Variants in PCGF5 observed in about 807,000 individuals in gnomAD.
PCGF5 encodes the protein polycomb group RING finger protein 5.
Under a neutral mutation model 44.3 loss-of-function variants are expected in PCGF5, and 9 were observed. The observed-to-expected ratio is 0.20, with a 90% CI of 0.12 to 0.35. The LOEUF (loss-of-function observed/expected upper bound fraction) is 0.35, where lower values mean the gene tolerates loss of function less well. Among genes scored for constraint, PCGF5 ranks in the 10% least tolerant of loss-of-function variants. PCGF5 has a pLI of 1.00. For missense variants in PCGF5, 146 were observed against 305.3 expected, an observed-to-expected ratio of 0.48 and a Z score of 3.89; for synonymous variants, 95 against 102.5, an observed-to-expected ratio of 0.93 and a Z score of 0.44.
At position 91,236,178 on chromosome 10, in the gene PCGF5, G is replaced by C. The variant is rs76076532; in HGVS notation, c.113-4306G>C. On this transcript the variant is annotated intron_variant, in intron 2 of 9. Coordinates refer to ENST00000336126, the MANE Select transcript of PCGF5 (RefSeq NM_032373.5). ...TAATTCTGAGATGCATTGCATAGTG[G>C]TTTGGATTTTAGGCCTGGAGCTGCG... 6.8e-3 allele frequency among the ~76,000 whole-genome samples: 1,042 copies of C among 152,290 alleles called. 7 individuals carry two copies. Among genetic ancestry groups the C allele is most frequent in the African/African-American group, 0.024 (992 of 41,546 alleles).
At chr10:91,157,567 G>A in the PCGF5 span, among the ~76,000 whole-genome samples, 1 of 152,220 alleles carries the variant, frequency 6.6e-6, no homozygotes, top group African/African-American at 2.4e-5. Flanking sequence ...TGATTCATGG[G>A]AAAATTCAGA....
At chr10:91,247,057 A>G (rs1845486563) in intron 3 of PCGF5, among the ~76,000 whole-genome samples, 1 of 152,152 alleles carries the variant, frequency 6.6e-6, no homozygotes, top group South Asian at 2.1e-4. Context: ...CCACAAAAGC[A>G]GATGAAATCC....
In PCGF5 at chr10:91,278,382, C is replaced by A; in HGVS notation, c.*66C>A. On this transcript the variant is annotated 3_prime_UTR_variant, in exon 10 of 10. Transcript: ENST00000336126. ...TTTGTTTACTCGTCAACAGATTGCA[C>A]AGTTAACGGTGTGTGGACTAGAGGA... 1 of 1,399,920 alleles carries A rather than the reference C, an allele frequency of 7.1e-7. No homozygotes were observed. Among genetic ancestry groups the A allele is most frequent in the Non-Finnish European group, 1.0e-6 (1 of 985,740 alleles). The allele number at this position is 1,399,920 out of a possible 1,614,324, so 86.7% of individuals were successfully genotyped here.
At chr10:91,276,803 G>A (rs1437054069) in intron 9 of PCGF5, among the ~76,000 whole-genome samples, 2 of 152,088 alleles carry the variant, frequency 1.3e-5, no homozygotes, top group African/African-American at 4.8e-5. Flanking sequence ...GGAATCAAAC[G>A]CAAAACTAGA....
upstream of PCGF5, among the ~76,000 whole-genome samples, chr10:91,216,984 T>C (rs1328348666): frequency 6.6e-6 from 1 of 152,220 alleles, no homozygotes; most frequent in African/African-American, 2.4e-5. Context: ...ACACTCTATG[T>C]TAAAATATTA....
At chr10:91,168,792 G>A (rs1843548544) in intron 1 of PCGF5, among the ~76,000 whole-genome samples, 1 of 151,946 alleles carries the variant, frequency 6.6e-6, no homozygotes. Flanking sequence ...GCCGAGTGTG[G>A]TGGTGTGTGT....
At chr10:91,158,367 G>A (rs562119405), upstream of PCGF5, among the ~76,000 whole-genome samples, 1 of 152,200 alleles carries the variant, frequency 6.6e-6, no homozygotes, top group East Asian at 1.9e-4. Flanking sequence ...CATGCTTTCC[G>A]GTGCATTAGG....
At chr10:91,180,325 G>A (rs1843796400) in intron 1 of PCGF5, among the ~76,000 whole-genome samples, 1 of 152,094 alleles carries the variant, frequency 6.6e-6, no homozygotes, top group Admixed American at 6.5e-5. Flanking sequence ...AGTTTCTTTT[G>A]CTGTACAGAA....
intron 3 of PCGF5, among the ~76,000 whole-genome samples, chr10:91,242,132 T>C (rs1416637809): frequency 6.6e-6 from 1 of 150,640 alleles, no homozygotes; most frequent in Non-Finnish European, 1.5e-5. Context: ...TTTAGCAATA[T>C]CTGGAGACAT....
chr10:91,197,464 C>T (rs901772225), intron 1 of PCGF5, among the ~76,000 whole-genome samples: 3 of 152,118 alleles, frequency 2.0e-5, no homozygotes, highest in Non-Finnish European at 4.4e-5. Flanking sequence ...TCCTGTGGTC[C>T]GGGCATTGTG....
chr10:91,201,244 G>A (rs1031624714), intron 1 of PCGF5, among the ~76,000 whole-genome samples: 1 of 152,112 alleles, frequency 6.6e-6, no homozygotes, highest in African/African-American at 2.4e-5. Context: ...CCTTCTTGCC[G>A]GTGGAGACCC....
At chr10:91,214,245 T>C (rs964455110) in intron 1 of PCGF5, among the ~76,000 whole-genome samples, 3 of 151,278 alleles carry the variant, frequency 2.0e-5, no homozygotes, top group Non-Finnish European at 2.9e-5. Context: ...GAGGCTGCAA[T>C]GAGGCGTGAT....
chr10:91,274,793 G>A (rs1846265985), intron 9 of PCGF5, among the ~76,000 whole-genome samples: 1 of 152,114 alleles, frequency 6.6e-6, no homozygotes, highest in Non-Finnish European at 1.5e-5. Context: ...CACTGCAAAG[G>A]CCCTGAGAAT....
At position 91,220,670 on chromosome 10, in the gene PCGF5, C is replaced by T. The variant is rs1398236410; in HGVS notation, c.-350C>T. 2.6e-5 allele frequency: 4 copies of T among 151,780 alleles called. No homozygotes were observed. In the South Asian group the frequency reaches 6.2e-4, roughly 24 times the overall value. 9.4% of individuals were successfully genotyped at this position (151,780 alleles called of 1,614,324 possible). On this transcript the variant is annotated 5_prime_UTR_variant, in exon 1 of 10. Transcript: ENST00000336126. The stretch of plus-strand genomic sequence containing the variant: ...CGAGGCCCGCCGCGCCCTGTCGGGC[C>T]TGAGCCGAGTGGCCCCACAGAGCCG...
At chr10:91,271,555 C>A in intron 8 of PCGF5, 83 bp from the exon 9 acceptor site, 1 of 1,100,844 alleles carries the variant, frequency 9.1e-7, no homozygotes, top group Non-Finnish European at 1.3e-6. Context: ...TTGTGTTTGA[C>A]GTTAAACTAT....
rs888831747 is a variant in PCGF5 at position 91,276,876 on chromosome 10, C to T, written c.724-1393C>T. 2.6e-5 allele frequency among the ~76,000 whole-genome samples: 4 copies of T among 152,212 alleles called. No individual in the cohort carries two copies. In the East Asian group the frequency reaches 7.7e-4, roughly 29 times the overall value. On this transcript the variant is annotated intron_variant, in intron 9 of 9. Coordinates refer to ENST00000336126, the MANE Select transcript of PCGF5 (RefSeq NM_032373.5). ...GAGGTAGAATGGAAAGGATATTGGT[C>T]GTCTCAGAATCTCACTGGGCTTCAG...
chr10:91,164,385 A>G (rs896661902), intron 1 of PCGF5, among the ~76,000 whole-genome samples: 4 of 152,198 alleles, frequency 2.6e-5, no homozygotes, highest in African/African-American at 4.8e-5. Context: ...AAGAGTTACA[A>G]AATTCCACCT....
intron 3 of PCGF5, among the ~76,000 whole-genome samples, chr10:91,245,621 A>G (rs1042140414): frequency 2.0e-5 from 3 of 152,092 alleles, no homozygotes; most frequent in Non-Finnish European, 2.9e-5. Context: ...AGGGAATGCA[A>G]TCTCACAGCC....
chr10:91,163,578 G>A (rs933248511), intron 1 of PCGF5, among the ~76,000 whole-genome samples: 3 of 152,104 alleles, frequency 2.0e-5, no homozygotes, highest in Non-Finnish European at 4.4e-5. Flanking sequence ...CGGCAGCCGC[G>A]CGCCCCGGCG....
Sources: gnomAD v4.1 joint callset for allele counts (sites outside exome capture counted in the v4.1 genomes callset) on GRCh38, gnomAD v4.1.1 for gene constraint, MANE v1.5 for transcripts, NCBI Gene and HGNC (gene_info 2026-07-23, HGNC 2026-07-21) for gene names.